The following SATB1 variants were observed in gnomAD, a reference collection of about 807,000 sequenced individuals.
SATB1 encodes SATB homeobox 1.
In SATB1, 11 loss-of-function variants were observed where a neutral mutation model predicts 86.9. The ratio of observed to expected loss-of-function variants is 0.13; its 90% CI spans 0.08 to 0.21. SATB1 has a LOEUF of 0.21. Among genes scored for constraint, SATB1 ranks in the 10% least tolerant of loss-of-function variants. The pLI is 1.00. For synonymous variants in SATB1, 357 were observed against 357.2 expected (o/e 1.00, Z 0.01); for missense variants, 551 against 937.6 (o/e 0.59, Z 5.39).
intron 9 of SATB1, among the ~76,000 whole-genome samples, chr3:18,355,801 G>C (rs1192256344): frequency 6.6e-6 from 1 of 151,838 alleles, no homozygotes; most frequent in Admixed American, 6.6e-5. Flanking sequence ...AAAGACAGGG[G>C]ACTAACAGCC....
intron 9 of SATB1, 63 bp downstream of exon 9, chr3:18,378,107 T>C: frequency 7.1e-7 from 1 of 1,407,962 alleles, no homozygotes; most frequent in South Asian, 1.5e-5. Flanking sequence ...TAGACACTCC[T>C]TTTAATGAAA....
rs1575177089 is a variant in SATB1, at chr3:18,425,128, C to CGCCGCTGCTCCT, written c.-1538_-1527dup. 2 of 172,944 alleles carry CGCCGCTGCTCCT rather than the reference C, an allele frequency of 1.2e-5. No individual in the cohort carries two copies. Among genetic ancestry groups the CGCCGCTGCTCCT allele is most frequent in the East Asian group, 3.4e-4 (2 of 5,808 alleles). 10.7% of individuals were successfully genotyped at this position (172,944 alleles called of 1,614,324 possible). On this transcript the variant is annotated 5_prime_UTR_variant, in exon 1 of 11. Transcript: ENST00000338745. ...CGTCCGCCCGGGCTGCAGCCCTCTC[C>CGCCGCTGCTCCT]GCCGCTGCTCCTGCTGCTGCTGCCG... is the stretch of plus-strand genomic sequence containing the variant.
intron 2 of SATB1, among the ~76,000 whole-genome samples, chr3:18,433,769 C>T (rs955865225): frequency 4.6e-5 from 7 of 151,978 alleles, no homozygotes; most frequent in Non-Finnish European, 1.0e-4. Flanking sequence ...TATCCAGTTA[C>T]CTATCTTGTA....
At chr3:18,400,131 A>G (rs1173550230) in intron 5 of SATB1, among the ~76,000 whole-genome samples, 1 of 152,128 alleles carries the variant, frequency 6.6e-6, no homozygotes, top group African/African-American at 2.4e-5. Flanking sequence ...ACACAAATAA[A>G]AAAGTCATGA....
At chr3:18,417,452 A>G (rs1457246594) in intron 2 of SATB1, 1 of 586,462 alleles carries the variant, frequency 1.7e-6, no homozygotes, top group Non-Finnish European at 3.0e-6. Context: ...TGCAAACATA[A>G]CTCACCATTT....
At chr3:18,431,622 C>T (rs1300036119) in intron 2 of SATB1, among the ~76,000 whole-genome samples, 1 of 152,198 alleles carries the variant, frequency 6.6e-6, no homozygotes, top group Admixed American at 6.5e-5. Context: ...GGTTTGGCAT[C>T]TACCAGGTTA....
At chr3:18,392,329 T>G (rs544354225) in intron 7 of SATB1, among the ~76,000 whole-genome samples, 76 of 152,254 alleles carry the variant, frequency 5.0e-4, no homozygotes, top group Admixed American at 1.7e-3. Context: ...GAATTTGTCC[T>G]TTTAAGGACC....
chr3:18,445,086 G>C (rs967571441), intron 1 of SATB1: 2 of 462,988 alleles, frequency 4.3e-6, no homozygotes, highest in African/African-American at 4.3e-5. Context: ...GTGGCGCTTC[G>C]GACCGGGCAC....
At chr3:18,411,543 A>G (rs956033993) in intron 5 of SATB1, among the ~76,000 whole-genome samples, 2 of 151,996 alleles carry the variant, frequency 1.3e-5, no homozygotes, top group Admixed American at 6.6e-5. Context: ...ATTATAAATA[A>G]AAATGTTTAC....
At position 18,397,164 on chromosome 3, in the gene SATB1, G is replaced by T; in HGVS notation, c.751+15C>A. On this transcript the variant is annotated intron_variant, in intron 6 of 10. Transcript: ENST00000338745. ...AATGGTATGTAGCCACTGCTGCAAT[G>T]TTTTTTTTGCTTACCCATCATATCT... The T allele has an allele frequency of 7.1e-7, 1 of 1,409,814 alleles. No individual in the cohort carries two copies. Among genetic ancestry groups the T allele is most frequent in the Non-Finnish European group, 1.0e-6 (1 of 994,416 alleles). The allele number at this position is 1,409,814 out of a possible 1,614,324, so 87.3% of individuals were successfully genotyped here. A position where few individuals can be genotyped will look rare whatever the true frequency, so the allele number is the denominator to read the frequency against.
At chr3:18,430,946 C>A (rs567932130) in intron 2 of SATB1, among the ~76,000 whole-genome samples, 1 of 152,318 alleles carries the variant, frequency 6.6e-6, no homozygotes, top group South Asian at 2.1e-4. Flanking sequence ...GCAGCCATTG[C>A]AGCTGGCTTC....
chr3:18,422,086 A>G (rs1280957473), intron 1 of SATB1, among the ~76,000 whole-genome samples: 1 of 152,196 alleles, frequency 6.6e-6, no homozygotes, highest in Non-Finnish European at 1.5e-5. Context: ...AAGAACAGGT[A>G]AGTAGAATTA....
At chr3:18,442,031 A>T (rs1699255970), upstream of SATB1, among the ~76,000 whole-genome samples, 1 of 152,166 alleles carries the variant, frequency 6.6e-6, no homozygotes, top group Non-Finnish European at 1.5e-5. Flanking sequence ...AACAAAAAAC[A>T]TTCCTTTTGA....
At chr3:18,413,644 G>C (rs901070178) in intron 5 of SATB1, among the ~76,000 whole-genome samples, 1 of 151,966 alleles carries the variant, frequency 6.6e-6, no homozygotes, top group Non-Finnish European at 1.5e-5. Context: ...TTTATTTGAT[G>C]GTTATAAATT....
chr3:18,419,537 C>G (rs1411115214), intron 2 of SATB1, among the ~76,000 whole-genome samples: 2 of 152,174 alleles, frequency 1.3e-5, no homozygotes, highest in East Asian at 3.9e-4. Context: ...CCAGAGACAG[C>G]TGAAATCTCC....
At chr3:18,445,171 G>A (rs1271014341) in intron 1 of SATB1, 3 of 941,830 alleles carry the variant, frequency 3.2e-6, no homozygotes, top group Non-Finnish European at 3.8e-6. Context: ...GGCCAGCGGG[G>A]CGGCCAGGGC....
intron 2 of SATB1, chr3:18,417,676 G>T: frequency 1.4e-6 from 1 of 698,702 alleles, no homozygotes; most frequent in Non-Finnish European, 2.6e-6. Context: ...CCAAACTGGT[G>T]CTCATAATAC....
upstream of SATB1, among the ~76,000 whole-genome samples, chr3:18,426,518 C>G (rs947322660): frequency 3.9e-5 from 6 of 152,154 alleles, no homozygotes; most frequent in African/African-American, 1.4e-4. This position sits in a 1 kb window ranked among gnomAD's most constrained non-coding sequence, Gnocchi z 4.2. Flanking sequence ...GTCATTACCA[C>G]ATAAGTATGA....
chr3:18,398,434 A>G (rs529597393), intron 5 of SATB1, among the ~76,000 whole-genome samples: 1 of 152,308 alleles, frequency 6.6e-6, no homozygotes, highest in South Asian at 2.1e-4. Flanking sequence ...TCTATGGTGA[A>G]ATAATTTATA....
Sources: allele counts gnomAD v4.1 joint callset (sites outside exome capture counted in the v4.1 genomes callset), GRCh38; gene constraint gnomAD v4.1.1; non-coding constraint Gnocchi (gnomAD v3.1); transcripts MANE v1.5; gene names NCBI Gene and HGNC (gene_info 2026-07-23, HGNC 2026-07-21).